Variants in PRKN observed in about 807,000 individuals in gnomAD.
PRKN encodes parkin RBR E3 ubiquitin protein ligase.
Under a neutral mutation model 59.5 loss-of-function variants are expected in PRKN, and 56 were observed. That is an observed-to-expected ratio of 0.94 (90% confidence interval 0.76 to 1.18). The LOEUF is 1.18. Among genes scored for constraint, PRKN ranks in the 50% most tolerant of loss-of-function variants. PRKN has a pLI of 0.00. For missense variants in PRKN, 657 were observed against 596.4 expected, an observed-to-expected ratio of 1.10 and a Z score of -1.06; for synonymous variants, 250 against 222.1, an observed-to-expected ratio of 1.13 and a Z score of -1.12.
rs564616332 is a variant in PRKN, at chr6:162,655,751, T to C, written c.7+71911A>G. On this transcript the variant is annotated intron_variant, in intron 1 of 11. Coordinates refer to ENST00000366898, the MANE Select transcript of PRKN (RefSeq NM_004562.3). ...TGGGTCATCATTAACTGTAATACCATATGGCATTTCCTCCTCTGAGCTTCT... is the reference window on the plus strand; with the variant it reads ...TGGGTCATCATTAACTGTAATACCACATGGCATTTCCTCCTCTGAGCTTCT... Among the ~76,000 whole-genome samples the C allele has an allele frequency of 2.8e-4, 43 of 152,318 alleles. No individual in the cohort carries two copies. The South Asian group carries it at 8.5e-3, about 30-fold the overall frequency.
At chr6:161,506,721 C>T (rs1318740933) in intron 9 of PRKN, among the ~76,000 whole-genome samples, 2 of 152,128 alleles carry the variant, frequency 1.3e-5, no homozygotes, top group Non-Finnish European at 1.5e-5. Flanking sequence ...ACAGCCAGTG[C>T]TCAATAATGC....
At chr6:162,273,825 T>C (rs1303738447) in intron 2 of PRKN, among the ~76,000 whole-genome samples, 1 of 152,226 alleles carries the variant, frequency 6.6e-6, no homozygotes, top group Admixed American at 6.5e-5. Flanking sequence ...GAGTCCAACC[T>C]TGTTTTATCA....
chr6:161,533,553 C>G lies in PRKN; in HGVS notation c.1083+15301G>C, dbSNP rs1038195247. Among the ~76,000 whole-genome samples, 1 of 152,118 alleles carries G rather than the reference C, an allele frequency of 6.6e-6. No individual in the cohort carries two copies. The highest frequency in any genetic ancestry group is 1.5e-5 in the Non-Finnish European group (1 of 68,024). On this transcript the variant is annotated intron_variant, in intron 9 of 11. Transcript: ENST00000366898. The surrounding 1 kb of genome is among the most constrained non-coding windows in gnomAD (Gnocchi z 4.1). ...AGATAGCCCCACCAAGTGGAAAGCC[C>G]ATTTGCATAATAAGATTAGGGTGGG... is the stretch of plus-strand genomic sequence containing the variant.
intron 3 of PRKN, among the ~76,000 whole-genome samples, chr6:162,256,269 T>C (rs879870227): frequency 6.6e-6 from 1 of 152,184 alleles, no homozygotes; most frequent in Non-Finnish European, 1.5e-5. Context: ...TAATTCTGTT[T>C]TTCTTACATA....
chr6:161,822,987 A>C (rs1395519610), intron 6 of PRKN, among the ~76,000 whole-genome samples: 2 of 152,076 alleles, frequency 1.3e-5, no homozygotes, highest in Non-Finnish European at 2.9e-5. Flanking sequence ...CTCAGGCTGG[A>C]GTCCAGTGAC....
chr6:161,910,836 C>T (rs1033682488), intron 6 of PRKN, among the ~76,000 whole-genome samples: 16 of 152,156 alleles, frequency 1.1e-4, no homozygotes, highest in African/African-American at 3.4e-4. Context: ...AAGGCAAAAC[C>T]CTCTACCAGC....
chr6:161,459,467 T>G lies in PRKN; in HGVS notation c.1084-72590A>C, dbSNP rs183507228. ...TACAAATGGAGCCACCATTTCTTAG[T>G]GTGGAGTGCAGGGACCTGGTTCTGA... is the stretch of plus-strand genomic sequence containing the variant. On this transcript the variant is annotated intron_variant, in intron 9 of 11. Transcript: ENST00000366898. The surrounding 1 kb of genome is among the most constrained non-coding windows in gnomAD (Gnocchi z 4.8). Among the ~76,000 whole-genome samples, 10 of 152,328 alleles carry G rather than the reference T, an allele frequency of 6.6e-5. No homozygotes were observed.
At chr6:162,500,166 TTTC>T (rs1481376040) in intron 1 of PRKN, among the ~76,000 whole-genome samples, 6 of 143,498 alleles carry the variant, frequency 4.2e-5, no homozygotes, top group South Asian at 4.5e-4. Flanking sequence ...GCCTTTCTCT[TTTC>T]TTCTTTTTTT....
intron 2 of PRKN, among the ~76,000 whole-genome samples, chr6:162,265,761 C>A (rs1446036737): frequency 6.6e-6 from 1 of 152,122 alleles, no homozygotes; most frequent in South Asian, 2.1e-4. Flanking sequence ...CTGAGGTGAC[C>A]AAGTGCAGCC....
rs1171672742 is a variant in PRKN at position 161,373,384 on chromosome 6, C to A, written c.1168-13179G>T. ...CATGTTTAAGACTAGATCTGTTTGA[C>A]TTCAAGCCCCCTCTGCTTGTCTTGG... On this transcript the variant is annotated intron_variant, in intron 10 of 11. Coordinates refer to ENST00000366898, the MANE Select transcript of PRKN (RefSeq NM_004562.3). This position sits in a 1 kb window ranked among gnomAD's most constrained non-coding sequence, Gnocchi z 4.8. Among the ~76,000 whole-genome samples, 1 of 152,090 alleles carries A rather than the reference C, an allele frequency of 6.6e-6. No homozygotes were observed. The highest frequency in any genetic ancestry group is 1.5e-5 in the Non-Finnish European group (1 of 68,016).
At chr6:162,366,799 T>C (rs1007504922) in intron 2 of PRKN, among the ~76,000 whole-genome samples, 1 of 152,028 alleles carries the variant, frequency 6.6e-6, no homozygotes, top group African/African-American at 2.4e-5. Flanking sequence ...CTTGGGAGGC[T>C]GAGACAGGAG....
At chr6:161,913,431 GCTCA>G (rs1406525747) in intron 6 of PRKN, among the ~76,000 whole-genome samples, 3 of 152,102 alleles carry the variant, frequency 2.0e-5, no homozygotes, top group African/African-American at 7.2e-5. Context: ...ATATGTTCAA[GCTCA>G]CTCAATCTTA....
chr6:162,513,094 C>A (rs1777700148), intron 1 of PRKN, among the ~76,000 whole-genome samples: 1 of 152,106 alleles, frequency 6.6e-6, no homozygotes, highest in Non-Finnish European at 1.5e-5. Context: ...AAAATTATAC[C>A]TGAAGCAGTT....
At chr6:161,750,118 T>TATATATATATATACACACAC (rs1269147499) in intron 7 of PRKN, among the ~76,000 whole-genome samples, 2 of 137,740 alleles carry the variant, frequency 1.5e-5, no homozygotes, top group African/African-American at 5.4e-5. Context: ...TATATATATA[T>TATATATATATATACACACAC]ACACACACAC....
In PRKN at chr6:162,248,468, A is replaced by G. The variant is rs548407140; in HGVS notation, c.412+14057T>C. Among the ~76,000 whole-genome samples the G allele has an allele frequency of 3.2e-4, 48 of 152,196 alleles. 1 individual carries two copies. The South Asian group carries it at 1.0e-2, about 32-fold the overall frequency. On this transcript the variant is annotated intron_variant, in intron 3 of 11. Transcript: ENST00000366898. ...GATGCTTGCCTGAGAACTGTGCTAT[A>G]AACCACAGGCCTGGGGTTGTATCTT...
chr6:161,659,179 C>T (rs1278565126), intron 7 of PRKN, among the ~76,000 whole-genome samples: 2 of 152,226 alleles, frequency 1.3e-5, no homozygotes, highest in Non-Finnish European at 2.9e-5. Flanking sequence ...GCACTTCTTA[C>T]AGTGCCTCTA....
chr6:161,777,689 T>C (rs2128204698), intron 7 of PRKN, among the ~76,000 whole-genome samples: 1 of 143,400 alleles, frequency 7.0e-6, no homozygotes, highest in East Asian at 2.0e-4. Flanking sequence ...ATATAATATA[T>C]ATATACACAA....
intron 2 of PRKN, among the ~76,000 whole-genome samples, chr6:162,279,385 G>C (rs1322830627): frequency 1.4e-5 from 2 of 145,052 alleles, no homozygotes; most frequent in African/African-American, 5.1e-5. Flanking sequence ...AGGAGAGAGA[G>C]GGAAAGAAAG....
intron 6 of PRKN, among the ~76,000 whole-genome samples, chr6:161,827,584 C>T (rs1266309129): frequency 6.7e-6 from 1 of 149,628 alleles, no homozygotes; most frequent in African/African-American, 2.5e-5. Flanking sequence ...ATCTCGGCTC[C>T]CTGAAACCTC....
Sources: allele counts gnomAD v4.1 joint callset (sites outside exome capture counted in the v4.1 genomes callset), GRCh38; gene constraint gnomAD v4.1.1; non-coding constraint Gnocchi (gnomAD v3.1); transcripts MANE v1.5; gene names NCBI Gene and HGNC (gene_info 2026-07-23, HGNC 2026-07-21).